Variants in SHLD1 observed in about 807,000 individuals in gnomAD.
SHLD1 encodes RINN1-REV7-interacting novel NHEJ regulator 3.
A neutral mutation model predicts 5.5 loss-of-function variants in SHLD1; 3 were observed. The ratio of observed to expected loss-of-function variants is 0.54; its 90% CI spans 0.25 to 1.40. SHLD1 has a LOEUF of 1.40. SHLD1 is among the 40% of genes most tolerant of loss of function. The probability of loss-of-function intolerance (pLI) is 0.15; values close to 1 mark genes in which losing one functional copy is unlikely to be tolerated. For synonymous variants in SHLD1, 92 were observed against 94.3 expected, an observed-to-expected ratio of 0.98 and a Z score of 0.14; for missense variants, 210 against 244.4, an observed-to-expected ratio of 0.86 and a Z score of 0.94.
intron 2 of SHLD1, among the ~76,000 whole-genome samples, chr20:5,797,595 C>T (rs1201563199): frequency 1.3e-5 from 2 of 151,990 alleles, no homozygotes. Flanking sequence ...TGTGAAGTCC[C>T]ATATAGTCCC....
In SHLD1 at chr20:5,844,787, A is replaced by ATTT. The variant is rs1428765852; in HGVS notation, c.179-18236_179-18235insTTT. On this transcript the variant is annotated intron_variant, in intron 2 of 2. Coordinates refer to ENST00000303142, the MANE Select transcript of SHLD1 (RefSeq NM_152504.4). ...GTAGTAGACATATATATATATATAT[A>ATTT]TATATATATATATTTTTTTTTTTTT... Among the ~76,000 whole-genome samples, 17 of 102,260 alleles carry ATTT rather than the reference A, an allele frequency of 1.7e-4. No individual in the cohort carries two copies. In the East Asian group the frequency reaches 2.1e-3, roughly 13 times the overall value. 67.1% of individuals were successfully genotyped at this position (102,260 alleles called of 152,430 possible).
chr20:5,861,899 G>A (rs186204959), intron 2 of SHLD1, among the ~76,000 whole-genome samples: 9 of 152,230 alleles, frequency 5.9e-5, no homozygotes, highest in East Asian at 1.9e-4. Context: ...AGGGTCAGGC[G>A]TGGAGGTCCA....
chr20:5,834,988 A>C (rs2087773421), intron 2 of SHLD1, among the ~76,000 whole-genome samples: 1 of 152,016 alleles, frequency 6.6e-6, no homozygotes. Flanking sequence ...TAATACTATC[A>C]CCTTGGAGGT....
chr20:5,817,428 CTCTCTG>C (rs1182187920), intron 2 of SHLD1, among the ~76,000 whole-genome samples: 25 of 111,986 alleles, frequency 2.2e-4, no homozygotes, highest in East Asian at 9.5e-4. Context: ...CTCTCTCTCT[CTCTCTG>C]TGTGTGTGTG....
intron 2 of SHLD1, among the ~76,000 whole-genome samples, chr20:5,845,819 G>C (rs545681108): frequency 1.5e-4 from 23 of 152,200 alleles, no homozygotes; most frequent in African/African-American, 5.3e-4. Flanking sequence ...GCTTCCAGAG[G>C]GAGTGAAGAT....
chr20:5,801,215 T>A (rs1439937746), intron 2 of SHLD1, among the ~76,000 whole-genome samples: 3 of 152,070 alleles, frequency 2.0e-5, no homozygotes, highest in African/African-American at 7.2e-5. Flanking sequence ...GTAGCTGGGA[T>A]TACAGGCGTG....
intron 1 of SHLD1, among the ~76,000 whole-genome samples, chr20:5,751,789 G>A (rs1170368639): frequency 1.3e-5 from 2 of 149,838 alleles, no homozygotes; most frequent in Non-Finnish European, 2.9e-5. Context: ...CGAGGCAGTT[G>A]GGTTATAGTT....
At chr20:5,820,318 G>T (rs1456455807) in intron 2 of SHLD1, among the ~76,000 whole-genome samples, 1 of 152,184 alleles carries the variant, frequency 6.6e-6, no homozygotes, top group Non-Finnish European at 1.5e-5. Context: ...ACCATGCTAC[G>T]CCAATAAACA....
chr20:5,778,369 C>T (rs1275258797), intron 2 of SHLD1, among the ~76,000 whole-genome samples: 3 of 150,726 alleles, frequency 2.0e-5, no homozygotes, highest in East Asian at 1.9e-4. Context: ...CCTTGTGATC[C>T]GCTTGAGAGG....
intron 2 of SHLD1, among the ~76,000 whole-genome samples, chr20:5,850,713 T>G (rs1368198731): frequency 1.3e-5 from 2 of 152,114 alleles, no homozygotes; most frequent in Non-Finnish European, 2.9e-5. Context: ...GGTTTCACCA[T>G]GTTGGCCAGA....
intron 2 of SHLD1, among the ~76,000 whole-genome samples, chr20:5,797,937 T>C (rs2087235204): frequency 6.6e-6 from 1 of 152,206 alleles, no homozygotes; most frequent in Non-Finnish European, 1.5e-5. Flanking sequence ...GGCCTTGTTT[T>C]GGTTATCTCT....
intron 2 of SHLD1, among the ~76,000 whole-genome samples, chr20:5,808,801 T>C (rs2087418878): frequency 6.6e-6 from 1 of 152,220 alleles, no homozygotes; most frequent in African/African-American, 2.4e-5. Context: ...AAGCAGAAAA[T>C]ATTTTAATGA....
At chr20:5,812,881 T>A (rs1043502953) in intron 2 of SHLD1, among the ~76,000 whole-genome samples, 3 of 152,074 alleles carry the variant, frequency 2.0e-5, no homozygotes, top group African/African-American at 4.8e-5. Flanking sequence ...TTTTTATTTT[T>A]ATTTTTTTAT....
intron 2 of SHLD1, among the ~76,000 whole-genome samples, chr20:5,773,983 C>T (rs1353749074): frequency 6.6e-6 from 1 of 152,132 alleles, no homozygotes; most frequent in Non-Finnish European, 1.5e-5. Flanking sequence ...GCGGGTGGAT[C>T]ACCTAAGGTC....
intron 2 of SHLD1, among the ~76,000 whole-genome samples, chr20:5,822,049 AT>A (rs1397110783): frequency 2.0e-5 from 3 of 152,340 alleles, no homozygotes; most frequent in Non-Finnish European, 2.9e-5. Flanking sequence ...TGGCTACCTC[AT>A]AGGTGACTGG....
At chr20:5,817,430 CTCTGTGTGTGTGTGTG>C (rs1159474271) in intron 2 of SHLD1, among the ~76,000 whole-genome samples, 2 of 99,512 alleles carry the variant, frequency 2.0e-5, no homozygotes, top group Non-Finnish European at 4.0e-5. Context: ...CTCTCTCTCT[CTCTGTGTGTGTGTGTG>C]TGTGTGTGTG....
intron 1 of SHLD1, among the ~76,000 whole-genome samples, chr20:5,763,946 TAA>T (rs1233102331): frequency 0.018 from 1,233 of 70,172 alleles, 21 homozygotes; most frequent in African/African-American, 0.068. Context: ...CCGTCTTTAC[TAA>T]AAAAAAAAAA....
At chr20:5,817,433 TGTGTGTG>T (rs1298791078) in intron 2 of SHLD1, among the ~76,000 whole-genome samples, 1 of 71,238 alleles carries the variant, frequency 1.4e-5, no homozygotes, top group African/African-American at 9.9e-5. Context: ...TCTCTCTCTC[TGTGTGTG>T]TGTGTGTGTG....
intron 2 of SHLD1, among the ~76,000 whole-genome samples, chr20:5,812,349 A>G (rs1003178144): frequency 3.9e-5 from 6 of 152,148 alleles, no homozygotes; most frequent in Admixed American, 2.0e-4. Context: ...GAAAACTTCT[A>G]TGTATCCAGT....
Sources: gnomAD v4.1 joint callset for allele counts (sites outside exome capture counted in the v4.1 genomes callset) on GRCh38, gnomAD v4.1.1 for gene constraint, MANE v1.5 for transcripts, NCBI Gene and HGNC (gene_info 2026-07-23, HGNC 2026-07-21) for gene names.